Variants in CADPS observed in about 807,000 individuals in gnomAD.
The protein encoded by CADPS is calcium-dependent secretion activator 1.
In CADPS, 57 loss-of-function variants were observed where a neutral mutation model predicts 167.3. The observed-to-expected ratio is 0.34, with a 90% CI of 0.28 to 0.42. CADPS has a LOEUF of 0.42. Among genes scored for constraint, CADPS ranks in the 20% least tolerant of loss-of-function variants. The pLI, the probability that CADPS is intolerant of heterozygous loss-of-function variation, is 1.00. For missense variants in CADPS, 1,414 were observed against 1,738.1 expected (o/e 0.81, Z 3.32); for synonymous variants, 676 against 635.3 (o/e 1.06, Z -0.96).
intron 3 of CADPS, among the ~76,000 whole-genome samples, chr3:62,724,889 G>C (rs1486206190): frequency 6.6e-6 from 1 of 152,190 alleles, no homozygotes; most frequent in African/African-American, 2.4e-5. Flanking sequence ...AACACACTTG[G>C]GGAAATAGAT....
In CADPS at chr3:62,758,543, G is replaced by A. The variant is rs1041618848; in HGVS notation, c.556-4770C>T. On this transcript the variant is annotated intron_variant, in intron 2 of 29. Transcript: ENST00000383710. ...ATGAATACAAACACTAAGTACTGAT[G>A]TGCCTGTGTGTCTCTAAAACAACTA... Among the ~76,000 whole-genome samples, 3 of 152,326 alleles carry A rather than the reference G, an allele frequency of 2.0e-5. No homozygotes were observed. The South Asian group carries it at 6.2e-4, about 32-fold the overall frequency.
chr3:62,771,226 T>G (rs987941974), intron 1 of CADPS, among the ~76,000 whole-genome samples: 5 of 152,218 alleles, frequency 3.3e-5, no homozygotes, highest in Non-Finnish European at 5.9e-5. Context: ...GCTGAGTGAA[T>G]ACATGAGCCT....
At chr3:62,467,113 CCACA>C (rs2060035526) in intron 24 of CADPS, among the ~76,000 whole-genome samples, 1 of 152,020 alleles carries the variant, frequency 6.6e-6, no homozygotes, top group Admixed American at 6.6e-5. Context: ...AGACAAACCC[CCACA>C]CAAATAAAAA....
chr3:62,700,310 A>C (rs1160707556), intron 3 of CADPS, among the ~76,000 whole-genome samples: 2 of 152,126 alleles, frequency 1.3e-5, no homozygotes, highest in Non-Finnish European at 2.9e-5. Context: ...ATTCTTCAGC[A>C]GAAGTGATGG....
intron 7 of CADPS, among the ~76,000 whole-genome samples, chr3:62,589,652 G>A (rs1029606229): frequency 6.6e-6 from 1 of 152,214 alleles, no homozygotes; most frequent in African/African-American, 2.4e-5. Flanking sequence ...AGAGAGCACT[G>A]AGGGGCTGTG....
intron 10 of CADPS, among the ~76,000 whole-genome samples, chr3:62,554,814 G>A (rs186018531): frequency 1.3e-4 from 20 of 152,208 alleles, no homozygotes; most frequent in East Asian, 3.9e-4. Context: ...GTGCAGTGGC[G>A]CAGTCTTGGC....
chr3:62,839,030 A>T (rs1307053295), intron 1 of CADPS, among the ~76,000 whole-genome samples: 1 of 152,242 alleles, frequency 6.6e-6, no homozygotes, highest in Non-Finnish European at 1.5e-5. Flanking sequence ...AAATAAACAC[A>T]GATAATTATA....
chr3:62,800,425 T>C (rs942777527), intron 1 of CADPS, among the ~76,000 whole-genome samples: 1 of 152,176 alleles, frequency 6.6e-6, no homozygotes, highest in Non-Finnish European at 1.5e-5. Context: ...ACTAATCATT[T>C]GACTTTTATA....
At chr3:62,835,971 A>T (rs1010191953) in intron 1 of CADPS, among the ~76,000 whole-genome samples, 1 of 152,272 alleles carries the variant, frequency 6.6e-6, no homozygotes, top group Admixed American at 6.5e-5. Flanking sequence ...TCCCTTATTT[A>T]TCTACAACTG....
At chr3:62,804,506 C>T (rs1409943319) in intron 1 of CADPS, among the ~76,000 whole-genome samples, 2 of 151,824 alleles carry the variant, frequency 1.3e-5, no homozygotes, top group Non-Finnish European at 2.9e-5. Context: ...TGTTTAATTC[C>T]ACTGACCTAG....
At chr3:62,593,584 A>C (rs1044740652) in intron 6 of CADPS, among the ~76,000 whole-genome samples, 1 of 152,188 alleles carries the variant, frequency 6.6e-6, no homozygotes, top group African/African-American at 2.4e-5. Context: ...CATTGCACTC[A>C]GGGGGCAATC....
intron 6 of CADPS, among the ~76,000 whole-genome samples, chr3:62,596,763 A>C (rs1252294473): frequency 6.6e-6 from 1 of 152,128 alleles, no homozygotes; most frequent in Non-Finnish European, 1.5e-5. Context: ...AGCACTTACT[A>C]AGTAACTGAC....
intron 1 of CADPS, among the ~76,000 whole-genome samples, chr3:62,818,102 T>C (rs747357404): frequency 4.6e-5 from 7 of 152,170 alleles, no homozygotes; most frequent in Non-Finnish European, 8.8e-5. Context: ...CTACTGAGAA[T>C]TGTTTTTTTA....
intron 1 of CADPS, among the ~76,000 whole-genome samples, chr3:62,799,139 G>T (rs1233643536): frequency 6.6e-6 from 1 of 152,134 alleles, no homozygotes; most frequent in Non-Finnish European, 1.5e-5. Context: ...GAAGAGTAAT[G>T]CTTCACAGAC....
chr3:62,522,657 CAT>C (rs1434895422), intron 13 of CADPS, among the ~76,000 whole-genome samples: 2 of 152,154 alleles, frequency 1.3e-5, no homozygotes, highest in Non-Finnish European at 2.9e-5. Context: ...TCATAAAGCA[CAT>C]ATCTCTTCCT....
At chr3:62,513,598 A>G in intron 16 of CADPS, 1 of 1,275,562 alleles carries the variant, frequency 7.8e-7, no homozygotes. Context: ...GAAAACAGAA[A>G]GAGTGAAGAC....
At chr3:62,671,416 TG>T (rs2075488088) in intron 3 of CADPS, among the ~76,000 whole-genome samples, 1 of 152,130 alleles carries the variant, frequency 6.6e-6, no homozygotes, top group South Asian at 2.1e-4. Context: ...TCTGTGTAAG[TG>T]TGGCAGCCAA....
chr3:62,467,447 C>T (rs1403744526), intron 24 of CADPS: 1 of 347,278 alleles, frequency 2.9e-6, no homozygotes, highest in Non-Finnish European at 4.7e-6. Context: ...GGAAATAAGC[C>T]ATAGTAATGT....
chr3:62,754,067 C>A (rs944531874), intron 2 of CADPS, among the ~76,000 whole-genome samples: 18 of 152,172 alleles, frequency 1.2e-4, no homozygotes, highest in African/African-American at 3.6e-4. Context: ...CAGACCTGTG[C>A]CCGGGCTGCA....
Sources: gnomAD v4.1 joint callset for allele counts (sites outside exome capture counted in the v4.1 genomes callset) on GRCh38, gnomAD v4.1.1 for gene constraint, MANE v1.5 for transcripts, NCBI Gene and HGNC (gene_info 2026-07-23, HGNC 2026-07-21) for gene names.